Variants in MIR17HG observed in about 807,000 individuals in gnomAD.
MIR17HG encodes the protein miR-17-92a-1 cluster host gene.
At chr13:91,352,921 C>T (rs1049405312) in intron 3 of MIR17HG, among the ~76,000 whole-genome samples, 7 of 151,784 alleles carry the variant, frequency 4.6e-5, no homozygotes, top group East Asian at 1.9e-4. Flanking sequence ...CCAACCTGGC[C>T]GACATGGTGA....
At chr13:91,349,872 GTTTC>G (rs1190570586) in intron 2 of MIR17HG, 4 of 152,156 alleles carry the variant, frequency 2.6e-5, no homozygotes, top group South Asian at 4.1e-4. Flanking sequence ...AAAAGTAGGT[GTTTC>G]TTTCTTTAGA....
intron 2 of MIR17HG, chr13:91,350,020 C>T: frequency 6.5e-6 from 1 of 152,684 alleles, no homozygotes; most frequent in Admixed American, 6.5e-5. Flanking sequence ...AATTTTAGAC[C>T]CTCTTTTAAG....
chr13:91,350,836 T>G, intron 3 of MIR17HG: 1 of 534,790 alleles, frequency 1.9e-6, no homozygotes, highest in Non-Finnish European at 3.8e-6. Flanking sequence ...AAGTTATGTA[T>G]TCATCCAATA....
At chr13:91,348,082 C>G in intron 1 of MIR17HG, 1 of 138,438 alleles carries the variant, frequency 7.2e-6, no homozygotes, top group Non-Finnish European at 1.6e-5. Flanking sequence ...GCGGCGTGGC[C>G]GGGGCGGGTC....
At chr13:91,348,866 C>G (rs1189023352) in intron 1 of MIR17HG, among the ~76,000 whole-genome samples, 1 of 149,006 alleles carries the variant, frequency 6.7e-6, no homozygotes, top group South Asian at 2.1e-4. Context: ...GCTTAGGCCT[C>G]GGGCCGCGTG....
chr13:91,348,242 G>T (rs1436948751), intron 1 of MIR17HG, among the ~76,000 whole-genome samples: 1 of 150,074 alleles, frequency 6.7e-6, no homozygotes, highest in African/African-American at 2.4e-5. Flanking sequence ...CGCAGACCCT[G>T]CCTGGGCCGA....
intron 3 of MIR17HG, chr13:91,351,044 C>CT (rs1875288029): frequency 1.9e-6 from 1 of 526,386 alleles, no homozygotes; most frequent in African/African-American, 1.9e-5. Flanking sequence ...TCTGCCTGGT[C>CT]TATCTGATGT....
intron 3 of MIR17HG, chr13:91,351,531 A>G (rs568111799): frequency 2.8e-6 from 1 of 356,164 alleles, no homozygotes; most frequent in East Asian, 7.5e-5. Context: ...GTTTTCATTC[A>G]AAAACATTTC....
At chr13:91,348,649 G>A (rs1875095049) in intron 1 of MIR17HG, among the ~76,000 whole-genome samples, 1 of 150,896 alleles carries the variant, frequency 6.6e-6, no homozygotes, top group Admixed American at 6.6e-5. Flanking sequence ...CAACTTCCCC[G>A]CCGTGGCCCT....
At chr13:91,353,895 T>C (rs984837611) in intron 3 of MIR17HG, 3 of 152,490 alleles carry the variant, frequency 2.0e-5, no homozygotes, top group African/African-American at 7.3e-5. Flanking sequence ...AAAGTGTTGG[T>C]GATTTTACTG....
chr13:91,351,011 A>G (rs762234796), intron 3 of MIR17HG: 8 of 528,054 alleles, frequency 1.5e-5, no homozygotes, highest in Middle Eastern at 6.4e-4. Flanking sequence ...AATTTTGTGT[A>G]CTTTTATTGT....
At chr13:91,351,626 C>G (rs930378398) in intron 3 of MIR17HG, 2 of 311,536 alleles carry the variant, frequency 6.4e-6, no homozygotes, top group African/African-American at 4.3e-5. Context: ...TTAAGTATTG[C>G]GATATGACTA....
intron 3 of MIR17HG, among the ~76,000 whole-genome samples, chr13:91,352,573 C>T (rs1196595272): frequency 6.6e-6 from 1 of 152,148 alleles, no homozygotes; most frequent in Non-Finnish European, 1.5e-5. Context: ...AAGTTTTCAC[C>T]TCTAATGTGT....
exon 4 of MIR17HG, chr13:91,354,054 A>C (rs902036332): frequency 6.6e-6 from 1 of 152,604 alleles, no homozygotes; most frequent in Non-Finnish European, 1.5e-5. Context: ...ATTAAAGTTT[A>C]TTATGTATTT....
intron 1 of MIR17HG, among the ~76,000 whole-genome samples, chr13:91,349,224 A>G (rs1248468734): frequency 1.3e-5 from 2 of 152,150 alleles, no homozygotes; most frequent in Non-Finnish European, 2.9e-5. Context: ...GGGAAAAGGA[A>G]CTGAAAAAGG....
chr13:91,350,899 C>T (rs1168187778), intron 3 of MIR17HG: 1 of 534,664 alleles, frequency 1.9e-6, no homozygotes, highest in Non-Finnish European at 3.8e-6. Flanking sequence ...TTGCAGTCCT[C>T]TGTTAGTTTT....
At chr13:91,352,105 G>T (rs547877840) in intron 3 of MIR17HG, 22 of 152,352 alleles carry the variant, frequency 1.4e-4, no homozygotes, top group African/African-American at 5.3e-4. Context: ...CAGCGGTGGG[G>T]TGAGATTCAG....
At chr13:91,349,029 G>C (rs948693930) in intron 1 of MIR17HG, among the ~76,000 whole-genome samples, 18 of 151,436 alleles carry the variant, frequency 1.2e-4, no homozygotes, top group Admixed American at 5.9e-4. Flanking sequence ...AAACGGGTTG[G>C]GGGGGTTGCC....
intron 3 of MIR17HG, chr13:91,350,803 C>CTAAG (rs1340056222): frequency 3.7e-6 from 2 of 534,642 alleles, no homozygotes; most frequent in Non-Finnish European, 7.7e-6. Flanking sequence ...ATCTACTGCC[C>CTAAG]TAAGTGCTCC....
Sources: gnomAD v4.1 joint callset for allele counts (sites outside exome capture counted in the v4.1 genomes callset) on GRCh38, gnomAD v4.1.1 for gene constraint, MANE v1.5 for transcripts, NCBI Gene and HGNC (gene_info 2026-07-23, HGNC 2026-07-21) for gene names.